The following CADPS variants were observed in gnomAD, a reference collection of about 807,000 sequenced individuals.
CADPS encodes the protein calcium-dependent secretion activator 1.
In CADPS, 57 loss-of-function variants were observed where a neutral mutation model predicts 167.3. That is an observed-to-expected ratio of 0.34 (90% CI 0.28 to 0.42). The LOEUF (loss-of-function observed/expected upper bound fraction) is 0.42, where lower values mean the gene tolerates loss of function less well. CADPS is among the 20% of genes least tolerant of loss of function. The pLI is 1.00. For missense variants in CADPS, 1,414 were observed against 1,738.1 expected (o/e 0.81, Z 3.32); for synonymous variants, 676 against 635.3 (o/e 1.06, Z -0.96).
At chr3:62,616,885 G>A (rs1355044720) in intron 6 of CADPS, among the ~76,000 whole-genome samples, 1 of 152,184 alleles carries the variant, frequency 6.6e-6, no homozygotes, top group East Asian at 1.9e-4. Context: ...ACTTAGACAT[G>A]TTCTTTCTCA....
At chr3:62,715,384 A>G (rs891461649) in intron 3 of CADPS, among the ~76,000 whole-genome samples, 1 of 140,560 alleles carries the variant, frequency 7.1e-6, no homozygotes, top group Non-Finnish European at 1.5e-5. Context: ...CTATCTATCT[A>G]TCTATCTATC....
intron 11 of CADPS, among the ~76,000 whole-genome samples, chr3:62,548,784 G>T (rs919205076): frequency 3.3e-5 from 5 of 152,178 alleles, no homozygotes; most frequent in East Asian, 1.9e-4. Context: ...TATCTGTGGG[G>T]CTGACTACCT....
At chr3:62,712,801 T>A (rs1038894495) in intron 3 of CADPS, among the ~76,000 whole-genome samples, 1 of 152,206 alleles carries the variant, frequency 6.6e-6, no homozygotes, top group African/African-American at 2.4e-5. Context: ...ATCTGTGGAT[T>A]TCCCTGAGAC....
intron 6 of CADPS, among the ~76,000 whole-genome samples, chr3:62,599,898 AC>A (rs1417953368): frequency 1.0e-4 from 7 of 69,882 alleles, no homozygotes; most frequent in South Asian, 4.3e-4. Context: ...TATTATATAT[AC>A]CATATTATAT....
At chr3:62,725,177 T>A (rs1268488758) in intron 3 of CADPS, among the ~76,000 whole-genome samples, 1 of 91,964 alleles carries the variant, frequency 1.1e-5, no homozygotes, top group Non-Finnish European at 2.4e-5. Context: ...TAAAATCTAG[T>A]AGAACTGTCT....
intron 6 of CADPS, among the ~76,000 whole-genome samples, chr3:62,605,753 G>A (rs150473102): frequency 8.5e-5 from 13 of 152,252 alleles, no homozygotes; most frequent in East Asian, 3.9e-4. Flanking sequence ...GAGGAAATAC[G>A]TCCTAGCCTG....
chr3:62,603,770 C>G (rs1400964521), intron 6 of CADPS, among the ~76,000 whole-genome samples: 1 of 152,070 alleles, frequency 6.6e-6, no homozygotes, highest in African/African-American at 2.4e-5. Context: ...CATTCTTGGT[C>G]TGATAATTCC....
At chr3:62,565,526 CTT>C (rs1324600113) in intron 9 of CADPS, among the ~76,000 whole-genome samples, 6 of 152,164 alleles carry the variant, frequency 3.9e-5, no homozygotes, top group African/African-American at 1.4e-4. Context: ...CCACCCCAGA[CTT>C]ACTGTATCAG....
intron 1 of CADPS, among the ~76,000 whole-genome samples, chr3:62,770,277 T>C (rs1338417347): frequency 1.3e-5 from 2 of 152,208 alleles, no homozygotes; most frequent in African/African-American, 2.4e-5. Flanking sequence ...CCAGATAATC[T>C]CTGTCACAGT....
At chr3:62,737,908 G>A (rs192095995) in intron 3 of CADPS, among the ~76,000 whole-genome samples, 8 of 152,012 alleles carry the variant, frequency 5.3e-5, no homozygotes, top group Admixed American at 5.2e-4. Context: ...TCCTCATTCT[G>A]ATTTGTTTTT....
intron 6 of CADPS, among the ~76,000 whole-genome samples, chr3:62,618,559 A>G (rs1033493557): frequency 1.3e-5 from 2 of 152,172 alleles, no homozygotes; most frequent in African/African-American, 2.4e-5. Flanking sequence ...AGTAAAGCAG[A>G]GCCCCGCCTA....
intron 8 of CADPS, among the ~76,000 whole-genome samples, chr3:62,573,595 A>G (rs1301111982): frequency 6.6e-6 from 1 of 152,152 alleles, no homozygotes; most frequent in Non-Finnish European, 1.5e-5. Flanking sequence ...TGTATCTGTA[A>G]TTCCTGACCA....
At chr3:62,474,432 A>C in intron 23 of CADPS, 112 bp from the exon 24 acceptor site, 1 of 955,778 alleles carries the variant, frequency 1.0e-6, no homozygotes, top group Non-Finnish European at 1.6e-6. Context: ...AATCAGTTTC[A>C]GTCAACAATG....
At position 62,570,958 on chromosome 3, in the gene CADPS, C is replaced by A. The variant is rs1214170210; in HGVS notation, c.1578-20G>T. The A allele has an allele frequency of 6.9e-7, 1 of 1,456,300 alleles. No individual in the cohort carries two copies. The highest frequency in any genetic ancestry group is 1.7e-4 in the Middle Eastern group (1 of 5,772). 90.2% of individuals were successfully genotyped at this position (1,456,300 alleles called of 1,614,324 possible). On this transcript the variant is annotated intron_variant, in intron 8 of 29. Transcript: ENST00000383710. ...AAATACCTAAGGGAAAGGAGAAAGA[C>A]CAGAGCTGCATTAATGCTTGAGTGA...
At chr3:62,531,724 G>A (rs1286209545) in intron 13 of CADPS, among the ~76,000 whole-genome samples, 1 of 152,166 alleles carries the variant, frequency 6.6e-6, no homozygotes, top group Non-Finnish European at 1.5e-5. Context: ...CTGGCTGTTG[G>A]TTGGGGAGCT....
At chr3:62,491,515 A>C (rs1167983927) in intron 20 of CADPS, 35 bp from the exon 21 acceptor site, 2 of 1,599,088 alleles carry the variant, frequency 1.3e-6, no homozygotes, top group Admixed American at 3.4e-5. Context: ...TTAAGAACCC[A>C]CAGCTACTTT....
intron 15 of CADPS, 27 bp downstream of exon 15, chr3:62,516,553 T>C: frequency 6.6e-7 from 1 of 1,518,464 alleles, no homozygotes; most frequent in African/African-American, 1.4e-5. Context: ...TATATATATG[T>C]GATCTATCTT....
chr3:62,816,082 TA>T (rs1329299988), intron 1 of CADPS, among the ~76,000 whole-genome samples: 16 of 152,136 alleles, frequency 1.1e-4, no homozygotes, highest in Non-Finnish European at 2.1e-4. Context: ...AGTAAAGCTT[TA>T]AATTAACAGT....
chr3:62,507,598 C>T (rs747190494), intron 17 of CADPS, among the ~76,000 whole-genome samples: 2 of 152,074 alleles, frequency 1.3e-5, no homozygotes, highest in African/African-American at 4.8e-5. Flanking sequence ...ATTCCCTTGG[C>T]TCTCAAAGTA....
Sources: allele counts gnomAD v4.1 joint callset (sites outside exome capture counted in the v4.1 genomes callset), GRCh38; gene constraint gnomAD v4.1.1; transcripts MANE v1.5; gene names NCBI Gene and HGNC (gene_info 2026-07-23, HGNC 2026-07-21).